The following COL9A1 variants were observed in gnomAD, a reference collection of about 807,000 sequenced individuals.
COL9A1 encodes the protein collagen alpha-1(IX) chain.
In COL9A1, 104 loss-of-function variants were observed where a neutral mutation model predicts 142.6. The observed-to-expected ratio is 0.73, with a 90% confidence interval of 0.62 to 0.86. The LOEUF (loss-of-function observed/expected upper bound fraction) is 0.86, where lower values mean the gene tolerates loss of function less well. COL9A1 is among the 40% of genes least tolerant of loss of function. COL9A1 has a pLI of 0.00. For missense variants in COL9A1, 1,210 were observed against 1,176.6 expected, an observed-to-expected ratio of 1.03 and a Z score of -0.42; for synonymous variants, 466 against 396.0, an observed-to-expected ratio of 1.18 and a Z score of -2.10.
At chr6:70,266,657 A>G in intron 18 of COL9A1, 60 bp downstream of exon 18, 1 of 1,279,340 alleles carries the variant, frequency 7.8e-7, no homozygotes, top group Non-Finnish European at 1.1e-6. Context: ...AATTTCTTAT[A>G]ATGAAAGTGA....
chr6:70,281,121 C>A, intron 8 of COL9A1, 82 bp from the exon 9 acceptor site: 1 of 1,203,734 alleles, frequency 8.3e-7, no homozygotes, highest in South Asian at 1.4e-5. Context: ...CAGGAGAGCT[C>A]ACTTCACAGA....
chr6:70,252,549 A>C (rs1272654946), intron 26 of COL9A1, among the ~76,000 whole-genome samples: 1 of 152,146 alleles, frequency 6.6e-6, no homozygotes, highest in East Asian at 1.9e-4. Context: ...TCAAACAATG[A>C]GGGGTTTTAG....
intron 2 of COL9A1, 79 bp downstream of exon 2, chr6:70,301,922 G>A: frequency 8.6e-7 from 1 of 1,168,358 alleles, no homozygotes; most frequent in South Asian, 1.3e-5. Context: ...GCCTCACTCA[G>A]TCTTCAGTCA....
chr6:70,273,158 A>T (rs544395133), intron 12 of COL9A1, among the ~76,000 whole-genome samples: 3 of 152,166 alleles, frequency 2.0e-5, no homozygotes, highest in Non-Finnish European at 4.4e-5. Context: ...AATCAGTGGG[A>T]TTTTAAAAGG....
chr6:70,246,392 AAAG>A (rs1212523098), intron 28 of COL9A1: 1 of 152,162 alleles, frequency 6.6e-6, no homozygotes, highest in Non-Finnish European at 1.5e-5. Context: ...AAAAGAAGAC[AAAG>A]AAGAAGCAGC....
rs1165011056 is a variant in COL9A1, at chr6:70,216,877, G to A, written c.*20C>T. 1 of 1,613,250 alleles carries A rather than the reference G, an allele frequency of 6.2e-7. No homozygotes were observed. Among genetic ancestry groups the A allele is most frequent in the Non-Finnish European group, 8.5e-7 (1 of 1,179,866 alleles). On this transcript the variant is annotated 3_prime_UTR_variant, in exon 38 of 38. Coordinates refer to ENST00000357250, the MANE Select transcript of COL9A1 (RefSeq NM_001851.6). ...TCACCAGGCGTGGTTCATGCAGACAGCCATGCAGCAGTAAGCCTTTCAAGG... is the reference window on the plus strand; with the variant it reads ...TCACCAGGCGTGGTTCATGCAGACAACCATGCAGCAGTAAGCCTTTCAAGG...
rs747511400 is a variant in COL9A1, at chr6:70,281,002, ACCGGGGGGC to A, written c.905_912+1del. ...GAGCGCCATATGCTCCAATCAACTT[ACCGGGGGGC>A]CCGGGGGGCCCTTAGGACCTCGGTC... is the stretch of plus-strand genomic sequence containing the variant. On this transcript the variant is annotated splice_donor_variant and coding_sequence_variant, in exon 9 of 38. Transcript: ENST00000357250. LOFTEE classifies it high-confidence loss of function. 3.7e-6 allele frequency: 6 copies of A among 1,613,610 alleles called. No individual in the cohort carries two copies. The highest frequency in any genetic ancestry group is 1.1e-5 in the South Asian group (1 of 91,074).
chr6:70,267,916 C>T (rs905295493), intron 17 of COL9A1, among the ~76,000 whole-genome samples: 4 of 152,208 alleles, frequency 2.6e-5, no homozygotes, highest in Admixed American at 2.0e-4. Context: ...AAATCAGTGC[C>T]TTCGGGCCTT....
chr6:70,239,686 A>T (rs568267638), intron 32 of COL9A1, among the ~76,000 whole-genome samples: 20 of 152,344 alleles, frequency 1.3e-4, no homozygotes, highest in African/African-American at 4.6e-4. Flanking sequence ...AACAATATTT[A>T]AAAGTCATCC....
chr6:70,251,797 A>G (rs1770962690), intron 28 of COL9A1, among the ~76,000 whole-genome samples: 1 of 152,208 alleles, frequency 6.6e-6, no homozygotes, highest in African/African-American at 2.4e-5. Context: ...TCAATATGCT[A>G]AAAATCAATA....
Position 70,232,563 on chromosome 6 carries a change from A to G in COL9A1, c.2503+20T>C. 1.2e-6 allele frequency: 2 copies of G among 1,612,984 alleles called. No individual in the cohort carries two copies. The highest frequency in any genetic ancestry group is 1.7e-6 in the Non-Finnish European group (2 of 1,179,766). ...GAAAAAGGTTGTGTTCTTTGGTTCC[A>G]CATGGGCAAGATGACTTACCTTTAG... On this transcript the variant is annotated intron_variant, in intron 36 of 37. Coordinates refer to ENST00000357250, the MANE Select transcript of COL9A1 (RefSeq NM_001851.6).
In COL9A1 at chr6:70,216,970, G is replaced by A; in HGVS notation, c.2693C>T (p.Pro898Leu). 1 of 1,614,126 alleles carries A rather than the reference G, an allele frequency of 6.2e-7. No individual in the cohort carries two copies. Among genetic ancestry groups the A allele is most frequent in the South Asian group, 1.1e-5 (1 of 91,078 alleles). ...VPGPPGPPGL[P>L]GFCEPASCTM... Reference sequence around the variant, plus strand: ...GCAGGAGGCTGGCTCACAGAAACCGGGAAGCCCAGGAGGTCCCGGGGGTCC... The same window carrying A: ...GCAGGAGGCTGGCTCACAGAAACCGAGAAGCCCAGGAGGTCCCGGGGGTCC... Residue 898 changes from proline to leucine, a missense_variant, in exon 38 of 38, where the codon CCC (proline) becomes CTC (leucine). Coordinates refer to ENST00000357250, the MANE Select transcript of COL9A1 (RefSeq NM_001851.6).
intron 36 of COL9A1, among the ~76,000 whole-genome samples, chr6:70,231,715 T>TA (rs36054852): frequency 0.43 from 62,385 of 144,244 alleles, 13,698 homozygotes; most frequent in Non-Finnish European, 0.51. Context: ...CCGCAGTACT[T>TA]AAAAAAAAAA....
intron 37 of COL9A1, among the ~76,000 whole-genome samples, chr6:70,223,116 G>A (rs573469725): frequency 2.6e-5 from 4 of 152,240 alleles, no homozygotes; most frequent in Admixed American, 6.5e-5. Flanking sequence ...CATCAGGGGC[G>A]GTGCTGATTT....
At chr6:70,293,904 A>C (rs760472267) in intron 5 of COL9A1, among the ~76,000 whole-genome samples, 2 of 152,160 alleles carry the variant, frequency 1.3e-5, no homozygotes, top group Admixed American at 6.5e-5. Context: ...TATTTTTATT[A>C]GTTATGTGTA....
intron 37 of COL9A1, among the ~76,000 whole-genome samples, chr6:70,217,719 G>T (rs1295909506): frequency 1.3e-5 from 2 of 152,172 alleles, no homozygotes; most frequent in South Asian, 2.1e-4. Context: ...TAGTTTAGCG[G>T]TTAAAAACAC....
intron 37 of COL9A1, among the ~76,000 whole-genome samples, chr6:70,219,468 T>C (rs1044080482): frequency 2.0e-5 from 3 of 152,256 alleles, no homozygotes; most frequent in Admixed American, 2.0e-4. Context: ...ATGGTGCCCA[T>C]AGCCAAATAA....
intron 18 of COL9A1, among the ~76,000 whole-genome samples, chr6:70,266,319 CTGTT>C (rs1377858129): frequency 6.6e-6 from 1 of 152,174 alleles, no homozygotes; most frequent in Non-Finnish European, 1.5e-5. Context: ...ACCAACTTCT[CTGTT>C]TGCTAGTCTC....
chr6:70,256,164 T>C (rs969628846), intron 21 of COL9A1, among the ~76,000 whole-genome samples: 3 of 152,244 alleles, frequency 2.0e-5, no homozygotes, highest in Non-Finnish European at 2.9e-5. Context: ...TCCTCTTACA[T>C]GGATTACATC....
Sources: gnomAD v4.1 joint callset for allele counts (sites outside exome capture counted in the v4.1 genomes callset) on GRCh38, gnomAD v4.1.1 for gene constraint, MANE v1.5 for transcripts, NCBI Gene and HGNC (gene_info 2026-07-23, HGNC 2026-07-21) for gene names.